MYH10: variants seen among roughly 807,000 people sequenced by gnomAD.
MYH10 encodes the protein myosin heavy chain 10.
MYH10 carries 55 observed loss-of-function variants against 257.8 expected under a neutral mutation model. That is an observed-to-expected ratio of 0.21 (90% CI 0.17 to 0.27). The LOEUF is 0.27. Among genes scored for constraint, MYH10 ranks in the 10% least tolerant of loss-of-function variants. MYH10 has a pLI of 1.00. For synonymous variants in MYH10, 854 were observed against 921.7 expected (o/e 0.93, Z 1.33); for missense variants, 1,631 against 2,500.6 (o/e 0.65, Z 7.42).
chr17:8,578,869 C>A (rs1567930863), intron 4 of MYH10, among the ~76,000 whole-genome samples: 1 of 152,054 alleles, frequency 6.6e-6, no homozygotes, highest in Non-Finnish European at 1.5e-5. Context: ...AAAAAAAACA[C>A]CCCAAACTCA....
chr17:8,524,957 C>A (rs538748172), intron 17 of MYH10, among the ~76,000 whole-genome samples: 3 of 152,296 alleles, frequency 2.0e-5, no homozygotes, highest in East Asian at 3.9e-4. Flanking sequence ...CAATTTCCTC[C>A]TCTTGAAATG....
chr17:8,591,108 G>A (rs1415274330), intron 3 of MYH10, among the ~76,000 whole-genome samples: 1 of 152,046 alleles, frequency 6.6e-6, no homozygotes, highest in African/African-American at 2.4e-5. Context: ...TCCCGACCTT[G>A]TGATTCACCC....
intron 36 of MYH10, among the ~76,000 whole-genome samples, chr17:8,484,650 C>G (rs1914458959): frequency 1.3e-5 from 2 of 152,146 alleles, no homozygotes; most frequent in Non-Finnish European, 2.9e-5. Context: ...CAAGCAGGAT[C>G]TATCTGAGGA....
At chr17:8,589,041 G>T (rs2084021490) in intron 4 of MYH10, 40 bp downstream of exon 4, 1 of 1,606,252 alleles carries the variant, frequency 6.2e-7, no homozygotes, top group African/African-American at 1.3e-5. Flanking sequence ...CACTTTCCAA[G>T]AAAATCAAAA....
Position 8,623,586 on chromosome 17 carries a change from C to T in MYH10, c.-31-309G>A, listed in dbSNP as rs377273383. On this transcript the variant is annotated intron_variant, in intron 1 of 42. Coordinates refer to ENST00000360416, the MANE Select transcript of MYH10 (RefSeq NM_001256012.3). Reference sequence around the variant, plus strand: ...TTCTTTATCTCCTCTTTCACCCTCACCACAAATTAAACAGGGAGTTAAGAA... The same window carrying T: ...TTCTTTATCTCCTCTTTCACCCTCATCACAAATTAAACAGGGAGTTAAGAA... 49 of 158,720 alleles carry T rather than the reference C, an allele frequency of 3.1e-4. No homozygotes were observed. In the South Asian group the frequency reaches 6.2e-3, roughly 20 times the overall value. 9.8% of individuals were successfully genotyped at this position (158,720 alleles called of 1,614,324 possible).
chr17:8,538,287 C>G (rs2082199958), intron 14 of MYH10, among the ~76,000 whole-genome samples: 1 of 152,222 alleles, frequency 6.6e-6, no homozygotes, highest in Non-Finnish European at 1.5e-5. Context: ...CTCGCTGCAA[C>G]CTCCACCTCC....
At chr17:8,496,966 G>A (rs1916733169) in intron 30 of MYH10, among the ~76,000 whole-genome samples, 1 of 152,156 alleles carries the variant, frequency 6.6e-6, no homozygotes, top group Admixed American at 6.5e-5. Context: ...AAAAACCCTG[G>A]GGGCCGAGTC....
chr17:8,536,019 G>T, intron 14 of MYH10, 88 bp from the exon 15 acceptor site: 1 of 1,240,576 alleles, frequency 8.1e-7, no homozygotes, highest in Non-Finnish European at 1.1e-6. Flanking sequence ...AAAACAATTA[G>T]TTTTATGAAG....
intron 3 of MYH10, among the ~76,000 whole-genome samples, chr17:8,591,568 T>C (rs1029010846): frequency 7.9e-5 from 12 of 152,216 alleles, no homozygotes; most frequent in African/African-American, 2.9e-4. Flanking sequence ...AACTCCACTA[T>C]ACCAAGTTGT....
At chr17:8,476,106 G>A (rs896178929) in intron 42 of MYH10, among the ~76,000 whole-genome samples, 158 bp from the exon 43 acceptor site, 3 of 152,244 alleles carry the variant, frequency 2.0e-5, no homozygotes, top group Admixed American at 2.0e-4. Flanking sequence ...AGGACTGCGT[G>A]CTTTTCTGCC....
In MYH10 at chr17:8,492,437, C is replaced by T. The variant is rs759448954; in HGVS notation, c.4531G>A (p.Glu1511Lys). The stretch of plus-strand genomic sequence containing the variant: ...AGTGACAGGGCTTTGGTTTCTTTCT[C>T]TCTGGCCTCGGCTTCGGCCCGGTCC... ...ERDRAEAEAR[E>K]KETKALSLAR... Residue 1511 changes from glutamate to lysine, a missense_variant, in exon 34 of 43, where the codon GAG (glutamate) becomes AAG (lysine). This residue lies in a region of MYH10 where 463 missense variants were observed against 621.8 expected (regional missense o/e 0.74). Coordinates refer to ENST00000360416, the MANE Select transcript of MYH10 (RefSeq NM_001256012.3). 3.1e-6 allele frequency: 5 copies of T among 1,613,094 alleles called. No individual in the cohort carries two copies. Among genetic ancestry groups the T allele is most frequent in the Non-Finnish European group, 4.2e-6 (5 of 1,180,016 alleles).
At chr17:8,525,472 C>A (rs1184042160) in intron 17 of MYH10, among the ~76,000 whole-genome samples, 1 of 152,264 alleles carries the variant, frequency 6.6e-6, no homozygotes, top group Admixed American at 6.5e-5. Flanking sequence ...GTGCCTGGTG[C>A]TGGGCACACA....
intron 3 of MYH10, among the ~76,000 whole-genome samples, chr17:8,594,759 A>G (rs569168699): frequency 2.2e-3 from 342 of 152,298 alleles, no homozygotes; most frequent in Non-Finnish European, 3.7e-3. Flanking sequence ...CCCTACACAC[A>G]TCCTCCCCTA....
At chr17:8,482,587 T>G (rs1397609978) in intron 37 of MYH10, among the ~76,000 whole-genome samples, 1 of 152,138 alleles carries the variant, frequency 6.6e-6, no homozygotes, top group Non-Finnish European at 1.5e-5. Flanking sequence ...CTAGGCAGAC[T>G]GAGGGACCCA....
At chr17:8,618,380 C>A (rs1019189058) in intron 2 of MYH10, among the ~76,000 whole-genome samples, 2 of 152,006 alleles carry the variant, frequency 1.3e-5, no homozygotes, top group African/African-American at 4.8e-5. Context: ...GCTGGGGCTA[C>A]AGGCATGTGC....
chr17:8,559,558 C>T (rs551385135), intron 7 of MYH10, among the ~76,000 whole-genome samples: 98 of 152,072 alleles, frequency 6.4e-4, no homozygotes, highest in African/African-American at 2.2e-3. Flanking sequence ...GATGACAAAA[C>T]AGCAAACTAT....
chr17:8,543,949 C>A (rs774952104), intron 13 of MYH10, among the ~76,000 whole-genome samples: 2 of 152,162 alleles, frequency 1.3e-5, no homozygotes, highest in Admixed American at 6.5e-5. Flanking sequence ...ACCAGTATCT[C>A]CTATTTTTGT....
At chr17:8,564,788 A>G (rs149510174) in intron 7 of MYH10, among the ~76,000 whole-genome samples, 109 of 152,328 alleles carry the variant, frequency 7.2e-4, no homozygotes, top group African/African-American at 2.4e-3. Flanking sequence ...ACATTCTACT[A>G]GGAAAGATAA....
In MYH10 at chr17:8,508,694, G is replaced by T; in HGVS notation, c.3091-17C>A. The T allele has an allele frequency of 1.2e-6, 2 of 1,612,764 alleles. No homozygotes were observed. The highest frequency in any genetic ancestry group is 1.1e-5 in the South Asian group (1 of 90,958). On this transcript the variant is annotated splice_polypyrimidine_tract_variant and intron_variant, in intron 25 of 42. Transcript: ENST00000360416. ...TTTCTTTTCCTGGACAGGAAAAATT[G>T]ACTGCTTCAGAAAAGCCATTCAGAA...
Sources: allele counts gnomAD v4.1 joint callset (sites outside exome capture counted in the v4.1 genomes callset), GRCh38; gene constraint gnomAD v4.1.1; regional missense constraint gnomAD v4.1.1; transcripts MANE v1.5; gene names NCBI Gene and HGNC (gene_info 2026-07-23, HGNC 2026-07-21).